Variants in TAFA5 observed in about 807,000 individuals in gnomAD.
TAFA5 encodes chemokine-like protein TAFA-5.
Under a neutral mutation model 15.3 loss-of-function variants are expected in TAFA5, and 6 were observed. The ratio of observed to expected loss-of-function variants is 0.39; its 90% CI spans 0.21 to 0.77. The LOEUF is 0.77. TAFA5 is among the 30% of genes least tolerant of loss of function. TAFA5 has a pLI of 0.41. For missense variants in TAFA5, 161 were observed against 193.1 expected, an observed-to-expected ratio of 0.83 and a Z score of 0.98; for synonymous variants, 103 against 80.7, an observed-to-expected ratio of 1.28 and a Z score of -1.48.
intron 1 of TAFA5, chr22:48,576,698 C>G (rs1406700604): frequency 1.8e-6 from 2 of 1,134,272 alleles, no homozygotes; most frequent in East Asian, 3.8e-5. Context: ...TGGAGCGCCA[C>G]TGCGGGCCCG....
chr22:48,646,523 G>A, intron 1 of TAFA5, 74 bp from the exon 2 acceptor site: 1 of 1,548,360 alleles, frequency 6.5e-7, no homozygotes, highest in Non-Finnish European at 8.7e-7. Flanking sequence ...CTCTGTGGGT[G>A]GGCTCTGGGT....
intron 3 of TAFA5, among the ~76,000 whole-genome samples, chr22:48,726,889 G>T (rs1187115543): frequency 1.5e-4 from 23 of 152,176 alleles, no homozygotes; most frequent in Non-Finnish European, 1.5e-5. Context: ...CATAGGACGG[G>T]CTGGGGGCTC....
At chr22:48,644,923 C>T (rs896228137) in intron 1 of TAFA5, among the ~76,000 whole-genome samples, 1 of 152,266 alleles carries the variant, frequency 6.6e-6, no homozygotes, top group Non-Finnish European at 1.5e-5. Flanking sequence ...CGCAGACTCT[C>T]TGCTGATCCC....
At chr22:48,731,075 C>T (rs571129560) in intron 3 of TAFA5, among the ~76,000 whole-genome samples, 3 of 152,224 alleles carry the variant, frequency 2.0e-5, no homozygotes, top group East Asian at 1.9e-4. Flanking sequence ...AGTGAATATA[C>T]GAATGATAAG....
chr22:48,704,968 G>A (rs959631340), intron 2 of TAFA5, among the ~76,000 whole-genome samples: 7 of 152,040 alleles, frequency 4.6e-5, no homozygotes, highest in African/African-American at 1.5e-4. Flanking sequence ...GGGCTGGGGA[G>A]GGGAGAGAGA....
intron 1 of TAFA5, among the ~76,000 whole-genome samples, chr22:48,508,818 G>A (rs1421975962): frequency 2.0e-5 from 3 of 151,768 alleles, no homozygotes; most frequent in Non-Finnish European, 4.4e-5. Flanking sequence ...CTCTGTGTTG[G>A]GAACGCTCAA....
chr22:48,710,972 A>G (rs132243), intron 3 of TAFA5, among the ~76,000 whole-genome samples: 105,533 of 151,746 alleles, frequency 0.7, 36,891 homozygotes, highest in Middle Eastern at 0.72. Context: ...CACAAAGGCC[A>G]GACCTGGCTT....
chr22:48,557,854 T>C (rs1483090091), intron 1 of TAFA5, among the ~76,000 whole-genome samples: 2 of 152,190 alleles, frequency 1.3e-5, no homozygotes, highest in Admixed American at 6.5e-5. Flanking sequence ...TGGAAGGCAA[T>C]GTCCCCTGAA....
chr22:48,613,967 C>G lies in TAFA5; in HGVS notation c.113-32630C>G, dbSNP rs527259723. Among the ~76,000 whole-genome samples the G allele has an allele frequency of 1.1e-3, 172 of 152,346 alleles. 1 individual carries two copies. The highest frequency in any genetic ancestry group is 6.8e-3 in the Middle Eastern group (2 of 294). ...CTTCCCACCACCCCCGGCTCGCGGC[C>G]CCTGCGAGATGGGATTCTGTGGAAG... On this transcript the variant is annotated intron_variant, in intron 1 of 3. Transcript: ENST00000402357.
chr22:48,726,810 C>G (rs1419402433), intron 3 of TAFA5, among the ~76,000 whole-genome samples: 1 of 152,248 alleles, frequency 6.6e-6, no homozygotes, highest in Non-Finnish European at 1.5e-5. Flanking sequence ...TTCCCCCAAG[C>G]AGGCTCCACC....
chr22:48,736,702 G>A (rs1017440102), intron 3 of TAFA5, among the ~76,000 whole-genome samples: 1 of 152,206 alleles, frequency 6.6e-6, no homozygotes, highest in African/African-American at 2.4e-5. Context: ...GATGAACCTC[G>A]GAAACATGAC....
intron 3 of TAFA5, among the ~76,000 whole-genome samples, chr22:48,730,298 A>G (rs527950907): frequency 8.5e-4 from 129 of 152,194 alleles, no homozygotes; most frequent in Admixed American, 1.9e-3. Flanking sequence ...AGGCAGGGGA[A>G]TCGCTTGAAC....
intron 2 of TAFA5, among the ~76,000 whole-genome samples, chr22:48,704,840 T>G (rs1007349307): frequency 2.0e-5 from 3 of 152,124 alleles, no homozygotes; most frequent in Non-Finnish European, 4.4e-5. Context: ...GTTTATTTTC[T>G]CACGGTTCTG....
chr22:48,669,590 T>G (rs1049343170), intron 2 of TAFA5, among the ~76,000 whole-genome samples: 2 of 152,226 alleles, frequency 1.3e-5, no homozygotes, highest in Admixed American at 1.3e-4. Flanking sequence ...AGCAGGGTCC[T>G]TGGAATAATG....
chr22:48,533,628 G>A (rs1026629432), intron 1 of TAFA5, among the ~76,000 whole-genome samples: 2 of 152,208 alleles, frequency 1.3e-5, no homozygotes, highest in Non-Finnish European at 2.9e-5. Flanking sequence ...GCTGTAGAAA[G>A]ATCTGGAAGG....
At chr22:48,514,499 G>A (rs1463360567) in intron 1 of TAFA5, among the ~76,000 whole-genome samples, 6 of 152,156 alleles carry the variant, frequency 3.9e-5, no homozygotes, top group African/African-American at 7.2e-5. Context: ...TGAGGTGGCC[G>A]CGGCTCCTGG....
chr22:48,552,147 C>G lies in TAFA5; in HGVS notation c.112+62443C>G, dbSNP rs1344274595. On this transcript the variant is annotated intron_variant, in intron 1 of 3. Transcript: ENST00000402357. The surrounding 1 kb of genome is among the most constrained non-coding windows in gnomAD (Gnocchi z 4.1). ...CCTCCTTGTGTGGGCTCCCGGGGAC[C>G]ACCAGAGAGCCCCTCCCAAGGAGTC... Among the ~76,000 whole-genome samples the G allele has an allele frequency of 1.3e-5, 2 of 152,170 alleles. No homozygotes were observed. Among genetic ancestry groups the G allele is most frequent in the African/African-American group, 4.8e-5 (2 of 41,444 alleles).
intron 2 of TAFA5, among the ~76,000 whole-genome samples, chr22:48,700,820 C>A (rs114157861): frequency 0.043 from 6,614 of 152,250 alleles, 443 homozygotes; most frequent in African/African-American, 0.14. Context: ...TTATAGCAAA[C>A]AAGTTCAGAT....
intron 1 of TAFA5, among the ~76,000 whole-genome samples, chr22:48,610,882 A>T (rs986865542): frequency 1.1e-4 from 16 of 151,000 alleles, no homozygotes; most frequent in African/African-American, 3.6e-4. Context: ...CGGGGATTTG[A>T]CTTGTGTCCC....
Sources: allele counts gnomAD v4.1 joint callset (sites outside exome capture counted in the v4.1 genomes callset), GRCh38; gene constraint gnomAD v4.1.1; non-coding constraint Gnocchi (gnomAD v3.1); transcripts MANE v1.5; gene names NCBI Gene and HGNC (gene_info 2026-07-23, HGNC 2026-07-21).